The following GKAP1 variants were observed in gnomAD, a reference collection of about 807,000 sequenced individuals.
GKAP1 encodes G kinase anchoring protein 1.
In GKAP1, 31 loss-of-function variants were observed where a neutral mutation model predicts 56.7. That is an observed-to-expected ratio of 0.55 (90% CI 0.41 to 0.74). The LOEUF (loss-of-function observed/expected upper bound fraction) is 0.74. Ranked by LOEUF, GKAP1 falls within the 30% of genes least tolerant of loss-of-function variation. The probability of loss-of-function intolerance (pLI) is 0.00; values close to 1 mark genes in which losing one functional copy is unlikely to be tolerated. For synonymous variants in GKAP1, 151 were observed against 138.6 expected, an observed-to-expected ratio of 1.09 and a Z score of -0.63; for missense variants, 364 against 402.3, an observed-to-expected ratio of 0.90 and a Z score of 0.82.
chr9:83,816,167 C>A (rs1256084026), intron 2 of GKAP1, among the ~76,000 whole-genome samples: 1 of 150,876 alleles, frequency 6.6e-6, no homozygotes, highest in Non-Finnish European at 1.5e-5. Context: ...CCAGCCTGGG[C>A]AACAAGAGCA....
intron 4 of GKAP1, among the ~76,000 whole-genome samples, chr9:83,793,374 CA>C (rs1185835761): frequency 1.3e-5 from 2 of 152,190 alleles, no homozygotes; most frequent in Admixed American, 1.3e-4. Flanking sequence ...GTGTAGACTA[CA>C]TATCTTTCAG....
chr9:83,793,638 A>G (rs985568071), intron 4 of GKAP1, among the ~76,000 whole-genome samples: 2 of 152,234 alleles, frequency 1.3e-5, no homozygotes, highest in Non-Finnish European at 2.9e-5. Context: ...AAAGAATTAA[A>G]AGTAGTAATG....
chr9:83,803,169 A>C (rs1944360261), intron 3 of GKAP1, among the ~76,000 whole-genome samples: 1 of 152,180 alleles, frequency 6.6e-6, no homozygotes, highest in African/African-American at 2.4e-5. Flanking sequence ...AATAGGAAAC[A>C]ACCCAAATGC....
intron 8 of GKAP1, among the ~76,000 whole-genome samples, chr9:83,756,833 A>T (rs986099136): frequency 6.6e-6 from 1 of 152,194 alleles, no homozygotes; most frequent in Non-Finnish European, 1.5e-5. Flanking sequence ...TCATTTCTTC[A>T]TTTTACTTAT....
At chr9:83,797,989 T>C (rs530434564) in intron 4 of GKAP1, among the ~76,000 whole-genome samples, 1 of 152,326 alleles carries the variant, frequency 6.6e-6, no homozygotes, top group African/African-American at 2.4e-5. Flanking sequence ...CAGTACAAGA[T>C]GATTTATCCA....
chr9:83,802,417 G>A (rs1298894001), intron 3 of GKAP1, among the ~76,000 whole-genome samples: 2 of 150,278 alleles, frequency 1.3e-5, no homozygotes, highest in Non-Finnish European at 3.0e-5. Flanking sequence ...AAGCAGAGGA[G>A]GTTGCAGTGA....
At chr9:83,816,772 G>A (rs1331875329) in intron 2 of GKAP1, among the ~76,000 whole-genome samples, 2 of 152,236 alleles carry the variant, frequency 1.3e-5, no homozygotes, top group Non-Finnish European at 2.9e-5. Flanking sequence ...TGAAAAATCT[G>A]GCGAAGGTAA....
At chr9:83,750,604 G>A (rs561303166) in intron 9 of GKAP1, among the ~76,000 whole-genome samples, 4 of 152,070 alleles carry the variant, frequency 2.6e-5, no homozygotes, top group East Asian at 3.9e-4. Context: ...CCAATTTCTC[G>A]ACATCCTTGC....
intron 4 of GKAP1, chr9:83,789,184 T>C (rs948817031): frequency 6.6e-6 from 1 of 152,246 alleles, no homozygotes; most frequent in Non-Finnish European, 1.5e-5. Flanking sequence ...TCATAGTGCA[T>C]CTTTTTACTC....
Position 83,794,373 on chromosome 9 carries a change from T to C in GKAP1, c.360+4812A>G, listed in dbSNP as rs953094784. ...CAAAAATACAATGGATTTATTTGAA[T>C]TTACACTCCTTATAAGGAAACCAGG... On this transcript the variant is annotated intron_variant, in intron 4 of 12. Transcript: ENST00000376371. 3.3e-5 allele frequency among the ~76,000 whole-genome samples: 5 copies of C among 152,144 alleles called. 1 individual carries two copies. The highest frequency in any genetic ancestry group is 5.9e-5 in the Non-Finnish European group (4 of 68,022).
In GKAP1 at chr9:83,780,429, T is replaced by C. The variant is rs181803158; in HGVS notation, c.563-25A>G. Reference sequence around the variant, plus strand: ...TCTGTAAATGAAAAAGAAACAAAGATGAAACTTTATTGAAGGAATTTAACA... The same window carrying C: ...TCTGTAAATGAAAAAGAAACAAAGACGAAACTTTATTGAAGGAATTTAACA... On this transcript the variant is annotated intron_variant, in intron 6 of 12. Transcript: ENST00000376371. The C allele has an allele frequency of 3.0e-3, 2,429 of 802,112 alleles. 8 individuals carry two copies. The highest frequency in any genetic ancestry group is 3.5e-3 in the Non-Finnish European group (1,970 of 568,120). 49.7% of individuals were successfully genotyped at this position (802,112 alleles called of 1,614,324 possible). A position where few individuals can be genotyped will look rare whatever the true frequency, so the allele number is the denominator to read the frequency against.
At chr9:83,812,340 T>TACACATATATATATATAC (rs1944522146) in intron 2 of GKAP1, among the ~76,000 whole-genome samples, 6 of 148,166 alleles carry the variant, frequency 4.0e-5, no homozygotes, top group African/African-American at 1.5e-4. Context: ...CGTATATATA[T>TACACATATATATATATAC]ACACGTATAT....
chr9:83,747,640 A>AT (rs1237749091), intron 10 of GKAP1, among the ~76,000 whole-genome samples: 8,800 of 141,506 alleles, frequency 0.062, 744 homozygotes, highest in African/African-American at 0.2. Context: ...ACTATCCAGC[A>AT]TTTTTTTTTT....
chr9:83,788,098 C>T (rs1413035340), intron 5 of GKAP1, among the ~76,000 whole-genome samples: 2 of 151,988 alleles, frequency 1.3e-5, no homozygotes, highest in Non-Finnish European at 2.9e-5. Context: ...GCCAACATGG[C>T]GAAATCCCAT....
At chr9:83,788,234 T>C (rs1273232036) in intron 5 of GKAP1, among the ~76,000 whole-genome samples, 1 of 152,122 alleles carries the variant, frequency 6.6e-6, no homozygotes, top group Non-Finnish European at 1.5e-5. Flanking sequence ...GGTGAGATCA[T>C]GCCACTGCAC....
At chr9:83,755,361 G>A (rs1943456512) in intron 8 of GKAP1, among the ~76,000 whole-genome samples, 1 of 152,154 alleles carries the variant, frequency 6.6e-6, no homozygotes, top group South Asian at 2.1e-4. Flanking sequence ...TGTAATGTGT[G>A]CAAAGAAAAA....
At chr9:83,768,327 G>A (rs1260564747) in intron 8 of GKAP1, among the ~76,000 whole-genome samples, 1 of 152,068 alleles carries the variant, frequency 6.6e-6, no homozygotes, top group East Asian at 1.9e-4. Flanking sequence ...AGCTTATACA[G>A]TTCCTCACTA....
At chr9:83,775,862 G>A (rs1256580019) in intron 7 of GKAP1, among the ~76,000 whole-genome samples, 3 of 104,138 alleles carry the variant, frequency 2.9e-5, no homozygotes, top group Non-Finnish European at 5.2e-5. Flanking sequence ...AGGACACAGA[G>A]AGACTCTGTC....
chr9:83,803,998 G>A (rs1944380993), intron 3 of GKAP1, among the ~76,000 whole-genome samples: 1 of 149,976 alleles, frequency 6.7e-6, no homozygotes, highest in South Asian at 2.1e-4. Flanking sequence ...TCTGAGAAGT[G>A]AGGAGACCCT....
Sources: gnomAD v4.1 joint callset for allele counts (sites outside exome capture counted in the v4.1 genomes callset) on GRCh38, gnomAD v4.1.1 for gene constraint, MANE v1.5 for transcripts, NCBI Gene and HGNC (gene_info 2026-07-23, HGNC 2026-07-21) for gene names.